Variants in VAV3 observed in about 807,000 individuals in gnomAD.
The protein encoded by VAV3 is vav guanine nucleotide exchange factor 3.
VAV3 carries 94 observed loss-of-function variants against 131.2 expected under a neutral mutation model. That is an observed-to-expected ratio of 0.72 (90% CI 0.61 to 0.85). The LOEUF (loss-of-function observed/expected upper bound fraction) is 0.85. VAV3 is among the 40% of genes least tolerant of loss of function. The pLI is 0.00. For missense variants in VAV3, 939 were observed against 1,002.7 expected (o/e 0.94, Z 0.86); for synonymous variants, 349 against 342.0 (o/e 1.02, Z -0.22).
At chr1:107,721,814 AC>A (rs1279788529) in intron 15 of VAV3, among the ~76,000 whole-genome samples, 6 of 152,154 alleles carry the variant, frequency 3.9e-5, no homozygotes, top group African/African-American at 1.2e-4. Flanking sequence ...CTTCCTCCAG[AC>A]CCAGCATGAC....
intron 2 of VAV3, among the ~76,000 whole-genome samples, chr1:107,814,198 A>G (rs12126655): frequency 0.33 from 49,818 of 151,912 alleles, 8,269 homozygotes; most frequent in South Asian, 0.36. Flanking sequence ...TGGATCACAC[A>G]ATAGTTCTAT....
chr1:107,704,741 A>G (rs1460915724), intron 16 of VAV3, 91 bp from the exon 17 acceptor site: 2 of 1,139,450 alleles, frequency 1.8e-6, no homozygotes, highest in Non-Finnish European at 2.6e-6. Flanking sequence ...AAGTATCAAC[A>G]GTGCTCTTCA....
chr1:107,625,392 G>C (rs928168585), intron 20 of VAV3, among the ~76,000 whole-genome samples: 1 of 151,770 alleles, frequency 6.6e-6, no homozygotes, highest in African/African-American at 2.4e-5. Flanking sequence ...TCAGTCTCCC[G>C]AGTAGCTGGG....
intron 19 of VAV3, among the ~76,000 whole-genome samples, chr1:107,647,143 GATTAGTATCTATTCATGATGCTGTT>G (rs1237133556): frequency 1.3e-5 from 2 of 150,800 alleles, no homozygotes; most frequent in Non-Finnish European, 3.0e-5. Context: ...CTACAACATA[GATTAGTATCTATTCATGATGCTGTT>G]ATCACTGCCC....
intron 19 of VAV3, among the ~76,000 whole-genome samples, chr1:107,661,508 T>C (rs1376873847): frequency 1.3e-5 from 2 of 152,194 alleles, no homozygotes; most frequent in Non-Finnish European, 2.9e-5. Context: ...ATAACTTGTA[T>C]ATTAATTTTG....
At chr1:107,620,725 G>A (rs1001284523) in intron 20 of VAV3, among the ~76,000 whole-genome samples, 3 of 152,074 alleles carry the variant, frequency 2.0e-5, no homozygotes, top group Admixed American at 6.6e-5. Flanking sequence ...CAGCGTTGGG[G>A]AGTGCAATGT....
intron 9 of VAV3, among the ~76,000 whole-genome samples, chr1:107,761,406 A>T (rs1223005090): frequency 6.6e-6 from 1 of 151,910 alleles, no homozygotes; most frequent in Admixed American, 6.5e-5. Context: ...AAAAAAAAAA[A>T]AAAGAAAAAA....
At chr1:107,900,562 A>G (rs1671805548) in intron 1 of VAV3, among the ~76,000 whole-genome samples, 1 of 152,216 alleles carries the variant, frequency 6.6e-6, no homozygotes, top group African/African-American at 2.4e-5. Flanking sequence ...TCTGCTGTCA[A>G]GATCATTGTA....
At chr1:107,920,216 A>G (rs1305906992) in intron 1 of VAV3, among the ~76,000 whole-genome samples, 1 of 152,226 alleles carries the variant, frequency 6.6e-6, no homozygotes, top group Non-Finnish European at 1.5e-5. Context: ...ATAGCATGTG[A>G]TAAAACGGGA....
chr1:107,785,353 A>G, intron 2 of VAV3: 1 of 1,086,370 alleles, frequency 9.2e-7, no homozygotes, highest in Non-Finnish European at 1.2e-6. Flanking sequence ...TGAGTTCTCT[A>G]TTCTGAAATC....
At chr1:107,833,680 A>G (rs7537000) in intron 2 of VAV3, among the ~76,000 whole-genome samples, 30,086 of 152,140 alleles carry the variant, frequency 0.2, 3,391 homozygotes, top group Middle Eastern at 0.3. Flanking sequence ...TCAATTATAC[A>G]GTGTGTTTAT....
In VAV3 at chr1:107,620,348, A is replaced by G. The variant is rs562462715; in HGVS notation, c.1915-2716T>C. Among the ~76,000 whole-genome samples the G allele has an allele frequency of 2.0e-5, 3 of 152,330 alleles. No homozygotes were observed. In the South Asian group the frequency reaches 6.2e-4, roughly 32 times the overall value. ...CTAACTTTATAATGATGGTGCTCCCATAAGATTATAATACCATACTTTTAC... is the reference window on the plus strand; with the variant it reads ...CTAACTTTATAATGATGGTGCTCCCGTAAGATTATAATACCATACTTTTAC... On this transcript the variant is annotated intron_variant, in intron 20 of 26. Transcript: ENST00000370056.
intron 1 of VAV3, among the ~76,000 whole-genome samples, chr1:107,892,072 T>C (rs1412420409): frequency 1.3e-5 from 2 of 152,158 alleles, no homozygotes; most frequent in Non-Finnish European, 2.9e-5. Context: ...TTACTGCTAA[T>C]AATAATGAAA....
At chr1:107,682,494 C>T (rs1010762506) in intron 19 of VAV3, among the ~76,000 whole-genome samples, 3 of 151,788 alleles carry the variant, frequency 2.0e-5, no homozygotes, top group African/African-American at 7.3e-5. Context: ...AACCAGAACC[C>T]CTGTTTTTTT....
chr1:107,888,078 TA>T (rs1009478980), intron 1 of VAV3, among the ~76,000 whole-genome samples: 1 of 151,974 alleles, frequency 6.6e-6, no homozygotes, highest in Non-Finnish European at 1.5e-5. Context: ...CTACATAAAG[TA>T]AAAAGAAAGG....
At chr1:107,876,108 G>A (rs1429243185) in intron 1 of VAV3, among the ~76,000 whole-genome samples, 1 of 152,124 alleles carries the variant, frequency 6.6e-6, no homozygotes, top group East Asian at 1.9e-4. Context: ...TTAGGAAGTA[G>A]GAAAACCAGG....
intron 1 of VAV3, among the ~76,000 whole-genome samples, chr1:107,958,939 T>C (rs945798943): frequency 6.6e-6 from 1 of 152,122 alleles, no homozygotes; most frequent in Non-Finnish European, 1.5e-5. Context: ...TCAATAGGTA[T>C]AAAATAAGAA....
intron 21 of VAV3, among the ~76,000 whole-genome samples, chr1:107,616,515 T>A (rs1653165493): frequency 6.6e-6 from 1 of 152,058 alleles, no homozygotes; most frequent in Non-Finnish European, 1.5e-5. Flanking sequence ...GACACAATAA[T>A]CTGTACACCA....
chr1:107,886,500 C>T (rs889153770), intron 1 of VAV3, among the ~76,000 whole-genome samples: 12 of 152,218 alleles, frequency 7.9e-5, no homozygotes, highest in African/African-American at 2.9e-4. Flanking sequence ...GGCAGGATGT[C>T]ATTCCTCAGG....
Sources: gnomAD v4.1 joint callset for allele counts (sites outside exome capture counted in the v4.1 genomes callset) on GRCh38, gnomAD v4.1.1 for gene constraint, MANE v1.5 for transcripts, NCBI Gene and HGNC (gene_info 2026-07-23, HGNC 2026-07-21) for gene names.